Variants in NKAIN2 observed in about 807,000 individuals in gnomAD.
The protein encoded by NKAIN2 is sodium/potassium transporting ATPase interacting 2, also known as sodium/potassium-transporting ATPase subunit beta-1-interacting protein 2.
Under a neutral mutation model 32.6 loss-of-function variants are expected in NKAIN2, and 14 were observed. That is an observed-to-expected ratio of 0.43 (90% confidence interval 0.28 to 0.67). The LOEUF is 0.67. Among genes scored for constraint, NKAIN2 ranks in the 30% least tolerant of loss-of-function variants. NKAIN2 has a pLI of 0.17. For synonymous variants in NKAIN2, 80 were observed against 87.2 expected, an observed-to-expected ratio of 0.92 and a Z score of 0.46; for missense variants, 198 against 258.3, an observed-to-expected ratio of 0.77 and a Z score of 1.60.
chr6:124,080,187 C>G (rs1164734028), intron 1 of NKAIN2, among the ~76,000 whole-genome samples: 1 of 152,078 alleles, frequency 6.6e-6, no homozygotes, highest in African/African-American at 2.4e-5. Context: ...TTTACCTAGG[C>G]TAATATATTT....
At position 124,161,415 on chromosome 6, in the gene NKAIN2, G is replaced by C. The variant is rs112957578; in HGVS notation, c.55-121590G>C. The stretch of plus-strand genomic sequence containing the variant: ...AGCACTGGGGATTAAAATTTGACAT[G>C]AGATTTGGTCAAGGACACAGATCCA... On this transcript the variant is annotated intron_variant, in intron 1 of 6. Coordinates refer to ENST00000368417, the MANE Select transcript of NKAIN2 (RefSeq NM_001040214.3). Among the ~76,000 whole-genome samples, 411 of 152,184 alleles carry C rather than the reference G, an allele frequency of 2.7e-3. 2 individuals carry two copies. The highest frequency in any genetic ancestry group is 9.5e-3 in the African/African-American group (393 of 41,536).
chr6:124,205,195 TA>T (rs1263130102), intron 1 of NKAIN2, among the ~76,000 whole-genome samples: 1 of 151,830 alleles, frequency 6.6e-6, no homozygotes. Context: ...TGAAGATGGC[TA>T]TGAAGGTTAA....
chr6:123,812,827 G>A (rs573160955), intron 1 of NKAIN2, among the ~76,000 whole-genome samples: 1 of 152,196 alleles, frequency 6.6e-6, no homozygotes, highest in Non-Finnish European at 1.5e-5. Context: ...CCCCAACAAT[G>A]TTGCATTCTT....
chr6:123,855,893 T>G (rs2114967656), intron 1 of NKAIN2, among the ~76,000 whole-genome samples: 1 of 152,328 alleles, frequency 6.6e-6, no homozygotes, highest in African/African-American at 2.4e-5. Context: ...GCCTTATTAC[T>G]TGTACCCTGC....
At chr6:124,564,531 C>G (rs1780828980) in intron 3 of NKAIN2, among the ~76,000 whole-genome samples, 1 of 152,214 alleles carries the variant, frequency 6.6e-6, no homozygotes, top group Non-Finnish European at 1.5e-5. Context: ...GCTCGGGTCC[C>G]ATTACACGGA....
intron 1 of NKAIN2, among the ~76,000 whole-genome samples, chr6:124,067,844 G>A (rs1035748126): frequency 2.6e-5 from 4 of 152,182 alleles, no homozygotes; most frequent in African/African-American, 9.7e-5. Flanking sequence ...TAGCAAATAT[G>A]TATTGGGCAC....
intron 1 of NKAIN2, among the ~76,000 whole-genome samples, chr6:123,817,270 G>GGAGC (rs1773732775): frequency 6.6e-6 from 1 of 152,094 alleles, no homozygotes; most frequent in Admixed American, 6.6e-5. Flanking sequence ...TTTGTTATGA[G>GGAGC]GAGCTGCATT....
intron 1 of NKAIN2, among the ~76,000 whole-genome samples, chr6:123,956,388 C>G (rs1392901987): frequency 6.6e-6 from 1 of 152,050 alleles, no homozygotes; most frequent in Non-Finnish European, 1.5e-5. Flanking sequence ...GGACCCTAAC[C>G]CAATAGGACT....
chr6:124,625,605 A>C (rs1405484571), intron 3 of NKAIN2, among the ~76,000 whole-genome samples: 1 of 152,202 alleles, frequency 6.6e-6, no homozygotes, highest in Admixed American at 6.5e-5. Context: ...AAACTCTTAA[A>C]TAGCTTATCT....
At chr6:124,497,449 A>T (rs547306242) in intron 3 of NKAIN2, among the ~76,000 whole-genome samples, 28 of 152,214 alleles carry the variant, frequency 1.8e-4, no homozygotes, top group Non-Finnish European at 4.0e-4. Context: ...GAAGAAGGGG[A>T]TTTTAATGAA....
At position 124,077,762 on chromosome 6, in the gene NKAIN2, AT is replaced by A. The variant is rs201590702; in HGVS notation, c.55-205233del. Among the ~76,000 whole-genome samples, 9 of 147,922 alleles carry A rather than the reference AT, an allele frequency of 6.1e-5. 1 individual carries two copies. In the South Asian group the frequency reaches 1.3e-3, roughly 21 times the overall value. On this transcript the variant is annotated intron_variant, in intron 1 of 6. Coordinates refer to ENST00000368417, the MANE Select transcript of NKAIN2 (RefSeq NM_001040214.3). ...TAGATGCTCACCACCACACCCAGCTATTTTTTTTTTATTTTTTGTGGAGTTG... is the reference window on the plus strand; with the variant it reads ...TAGATGCTCACCACCACACCCAGCTATTTTTTTTTATTTTTTGTGGAGTTG...
intron 2 of NKAIN2, among the ~76,000 whole-genome samples, chr6:124,349,164 G>T (rs1225064853): frequency 1.3e-5 from 2 of 152,104 alleles, no homozygotes; most frequent in African/African-American, 2.4e-5. Context: ...GTAGGGCAGG[G>T]TTTATTGGGT....
intron 1 of NKAIN2, among the ~76,000 whole-genome samples, chr6:124,118,292 C>T (rs1353216731): frequency 6.6e-6 from 1 of 151,704 alleles, no homozygotes; most frequent in African/African-American, 2.4e-5. Flanking sequence ...ATTAAAAAAT[C>T]GGAATAAAAA....
intron 3 of NKAIN2, among the ~76,000 whole-genome samples, chr6:124,553,725 T>G (rs1037750970): frequency 1.3e-5 from 2 of 152,204 alleles, no homozygotes; most frequent in Non-Finnish European, 2.9e-5. Flanking sequence ...TTGAAAAATG[T>G]CATACAGCAG....
chr6:124,582,172 A>T (rs1476508629), intron 3 of NKAIN2, among the ~76,000 whole-genome samples: 1 of 152,160 alleles, frequency 6.6e-6, no homozygotes, highest in Non-Finnish European at 1.5e-5. Context: ...AACCAGAGAT[A>T]AAAAAGGAGA....
chr6:124,721,635 C>T (rs7741635), intron 4 of NKAIN2, among the ~76,000 whole-genome samples: 1 of 151,998 alleles, frequency 6.6e-6, no homozygotes, highest in Admixed American at 6.6e-5. Flanking sequence ...TTCAGTTTAG[C>T]GTCTCTTTCA....
intron 3 of NKAIN2, among the ~76,000 whole-genome samples, chr6:124,419,559 A>AGC (rs1774652423): frequency 6.6e-6 from 1 of 152,158 alleles, no homozygotes; most frequent in Non-Finnish European, 1.5e-5. Context: ...ATGCATATAC[A>AGC]GTGTGTGTGA....
intron 2 of NKAIN2, among the ~76,000 whole-genome samples, chr6:124,332,750 G>A (rs774462087): frequency 3.9e-5 from 6 of 152,206 alleles, no homozygotes; most frequent in Non-Finnish European, 8.8e-5. Flanking sequence ...CATAAGGAAT[G>A]AGACATTCTG....
rs1464952188 is a variant in NKAIN2 at position 124,574,707 on chromosome 6, G to A, written c.274-83479G>A. 3.9e-5 allele frequency among the ~76,000 whole-genome samples: 6 copies of A among 152,172 alleles called. No individual in the cohort carries two copies. In the South Asian group the frequency reaches 1.2e-3, roughly 32 times the overall value. On this transcript the variant is annotated intron_variant, in intron 3 of 6. Coordinates refer to ENST00000368417, the MANE Select transcript of NKAIN2 (RefSeq NM_001040214.3). ...ATGGACTTCAGAGTCTGACAGACCT[G>A]GTTTAATTCCAGGCTCCAATTGCAA...
Sources: gnomAD v4.1 joint callset for allele counts (sites outside exome capture counted in the v4.1 genomes callset) on GRCh38, gnomAD v4.1.1 for gene constraint, MANE v1.5 for transcripts, NCBI Gene and HGNC (gene_info 2026-07-23, HGNC 2026-07-21) for gene names.